Variants in TCF3 observed in about 807,000 individuals in gnomAD.
TCF3 encodes transcription factor 3, also known as transcription factor E2-alpha.
TCF3 carries 54 observed loss-of-function variants against 72.3 expected under a neutral mutation model. The ratio of observed to expected loss-of-function variants is 0.75; its 90% CI spans 0.60 to 0.94. TCF3 has a LOEUF of 0.94. Among genes scored for constraint, TCF3 ranks in the 40% least tolerant of loss-of-function variants. The pLI is 0.00. For missense variants in TCF3, 1,078 were observed against 934.4 expected (o/e 1.15, Z -2.00); for synonymous variants, 525 against 412.6 (o/e 1.27, Z -3.30).
chr19:1,650,329 G>A (rs1282101254), intron 1 of TCF3, 42 bp from the exon 2 acceptor site: 18 of 1,415,154 alleles, frequency 1.3e-5, no homozygotes, highest in Non-Finnish European at 1.6e-5. Flanking sequence ...GGAGAAACAG[G>A]GAGGGGAGAA....
At chr19:1,620,594 C>G (rs2062070680) in intron 13 of TCF3, among the ~76,000 whole-genome samples, 1 of 152,220 alleles carries the variant, frequency 6.6e-6, no homozygotes, top group Non-Finnish European at 1.5e-5. Context: ...GTGTGAACTG[C>G]CAGGTCCTGC....
At chr19:1,639,820 A>C (rs1160975064) in intron 3 of TCF3, among the ~76,000 whole-genome samples, 1 of 151,826 alleles carries the variant, frequency 6.6e-6, no homozygotes, top group Non-Finnish European at 1.5e-5. Flanking sequence ...TATGGAAACC[A>C]ATGGGATGGG....
intron 3 of TCF3, among the ~76,000 whole-genome samples, chr19:1,635,194 G>A (rs1238831311): frequency 6.6e-6 from 1 of 152,188 alleles, no homozygotes; most frequent in Non-Finnish European, 1.5e-5. Flanking sequence ...TATAGCCCCA[G>A]CTCTGCAATG....
intron 2 of TCF3, among the ~76,000 whole-genome samples, chr19:1,648,120 G>A (rs760699839): frequency 2.0e-5 from 3 of 152,188 alleles, no homozygotes; most frequent in South Asian, 2.1e-4. Context: ...GGACAAAGGC[G>A]CGCTGGGAAC....
intron 16 of TCF3, among the ~76,000 whole-genome samples, chr19:1,617,454 C>T (rs1314323659): frequency 6.6e-6 from 1 of 152,258 alleles, no homozygotes; most frequent in Non-Finnish European, 1.5e-5. Context: ...TAAGGGTACA[C>T]AGTGCCCCAA....
At chr19:1,622,486 G>A (rs984802480) in intron 8 of TCF3, 71 bp from the exon 9 acceptor site, 14 of 847,944 alleles carry the variant, frequency 1.7e-5, no homozygotes, top group Non-Finnish European at 2.1e-5. Context: ...CACCTTGCCG[G>A]CCTCCTGTCC....
intron 3 of TCF3, among the ~76,000 whole-genome samples, chr19:1,641,890 G>A (rs1370637445): frequency 6.6e-6 from 1 of 151,924 alleles, no homozygotes; most frequent in Non-Finnish European, 1.5e-5. Flanking sequence ...CGCTGACCCA[G>A]CCCTCTACAA....
Position 1,619,103 on chromosome 19 carries a change from G to C in TCF3, c.1450+8C>G, listed in dbSNP as rs377016069. On this transcript the variant is annotated splice_region_variant and intron_variant, in intron 16 of 18. Transcript: ENST00000262965. ...AGGAGTCGGACAGTCCCAAGCTCAAGGGCTTACCACTGTAGGAGTCGGGAG... is the reference window on the plus strand; with the variant it reads ...AGGAGTCGGACAGTCCCAAGCTCAACGGCTTACCACTGTAGGAGTCGGGAG... 1.8e-5 allele frequency: 28 copies of C among 1,599,290 alleles called. No homozygotes were observed. The highest frequency in any genetic ancestry group is 2.4e-5 in the Non-Finnish European group (28 of 1,179,698).
Position 1,615,587 on chromosome 19 carries a change from G to A in TCF3, c.1587-67C>T, listed in dbSNP as rs748305811. On this transcript the variant is annotated intron_variant, in intron 17 of 18. Coordinates refer to ENST00000262965, the MANE Select transcript of TCF3 (RefSeq NM_003200.5). The surrounding 1 kb of genome is among the most constrained non-coding windows in gnomAD (Gnocchi z 7.3). ...AGGTTGGGGGAAGAGCGTGGGGCCC[G>A]CCGACGGCCTCCCAGTGTGGGTGCG... 31 of 1,605,612 alleles carry A rather than the reference G, an allele frequency of 1.9e-5. 1 individual carries two copies. The highest frequency in any genetic ancestry group is 1.4e-4 in the South Asian group (13 of 91,070).
intron 6 of TCF3, 147 bp downstream of exon 6, chr19:1,627,212 C>G: frequency 8.8e-6 from 4 of 454,634 alleles, no homozygotes; most frequent in Non-Finnish European, 1.6e-5. Flanking sequence ...ACCCACCCAG[C>G]CCACCCTGGC....
intron 5 of TCF3, 98 bp from the exon 6 acceptor site, chr19:1,627,524 GT>G: frequency 1.8e-6 from 2 of 1,095,714 alleles, no homozygotes; most frequent in Non-Finnish European, 2.7e-6. Context: ...CTCTCAGTAA[GT>G]GCACACGACT....
chr19:1,644,189 C>T (rs1246739125), intron 3 of TCF3, among the ~76,000 whole-genome samples: 4 of 152,312 alleles, frequency 2.6e-5, no homozygotes, highest in Admixed American at 6.5e-5. Flanking sequence ...TCGCACCCAT[C>T]GACTCGCTGA....
At position 1,621,193 on chromosome 19, in the gene TCF3, T is replaced by C; in HGVS notation, c.956-2A>G. 1 of 1,535,544 alleles carries C rather than the reference T, an allele frequency of 6.5e-7. No individual in the cohort carries two copies. The highest frequency in any genetic ancestry group is 8.7e-7 in the Non-Finnish European group (1 of 1,145,978). ...TGCCAGCTGTGGTCCCTCGGGAGCCTGTGGGTGAAGAGAGGTGAGGCCCAC... is the reference window on the plus strand; with the variant it reads ...TGCCAGCTGTGGTCCCTCGGGAGCCCGTGGGTGAAGAGAGGTGAGGCCCAC... On this transcript the variant is annotated splice_acceptor_variant, in intron 11 of 18. Coordinates refer to ENST00000262965, the MANE Select transcript of TCF3 (RefSeq NM_003200.5). LOFTEE classifies it high-confidence loss of function.
Position 1,610,337 on chromosome 19 carries a change from T to G in TCF3, c.*1370A>C. ...GCAGGTGTGGCCCCAGGCCCAGGGA[T>G]GCTCCCCAGCATTGGGGGAGGCTGG... On this transcript the variant is annotated 3_prime_UTR_variant, in exon 19 of 19. Transcript: ENST00000262965. The G allele has an allele frequency of 8.7e-6, 2 of 230,468 alleles. No homozygotes were observed. Among genetic ancestry groups the G allele is most frequent in the Non-Finnish European group, 8.6e-6 (1 of 116,470 alleles). 14.3% of individuals were successfully genotyped at this position (230,468 alleles called of 1,614,324 possible).
chr19:1,622,352 T>C lies in TCF3; in HGVS notation c.613A>G (p.Thr205Ala). 6.5e-7 allele frequency: 1 copy of C among 1,533,092 alleles called. No individual in the cohort carries two copies. The highest frequency in any genetic ancestry group is 8.8e-7 in the Non-Finnish European group (1 of 1,140,596). 95.0% of individuals were successfully genotyped at this position (1,533,092 alleles called of 1,614,324 possible). A position where few individuals can be genotyped will look rare whatever the true frequency, so the allele number is the denominator to read the frequency against. The change falls in exon 9 of 19, where the codon ACC becomes GCC. Residue 205 changes from threonine to alanine, a missense_variant. By Grantham distance (58) the Thr-to-Ala change is moderately conservative (BLOSUM62 0). Transcript: ENST00000262965. The part of the protein sequence containing the change: ...RDATAYPSAK[T>A]PSSTYPAPFY... ...GGGGCGGGATAGGTGCTGCTGGGGG[T>C]CTTGGCGGACGGGTAGGCGGTGGCA...
At chr19:1,625,073 T>C (rs1845787834) in intron 7 of TCF3, among the ~76,000 whole-genome samples, 1 of 152,234 alleles carries the variant, frequency 6.6e-6, no homozygotes, top group Admixed American at 6.5e-5. Context: ...TTTGCAACTT[T>C]TGGCCTCAAG....
chr19:1,650,491 G>C (rs951830936), intron 1 of TCF3: 2 of 519,782 alleles, frequency 3.8e-6, no homozygotes, highest in East Asian at 3.1e-5. Context: ...GGTCCCTGCA[G>C]AGTCCTCCCC....
rs2061503022 is a variant in TCF3, at chr19:1,615,876, A to C, written c.1451-55T>G. ...GTCGGCCTCCAGGGCCAACTGACAT[A>C]TCTCTTTGTGCTCCTGTGGTGAGGG... is the stretch of plus-strand genomic sequence containing the variant. On this transcript the variant is annotated intron_variant, in intron 16 of 18. Coordinates refer to ENST00000262965, the MANE Select transcript of TCF3 (RefSeq NM_003200.5). This position sits in a 1 kb window ranked among gnomAD's most constrained non-coding sequence, Gnocchi z 7.3. The C allele has an allele frequency of 2.0e-6, 3 of 1,493,388 alleles. 1 individual carries two copies. In the African/African-American group the frequency reaches 4.2e-5, roughly 21 times the overall value. 92.5% of individuals were successfully genotyped at this position (1,493,388 alleles called of 1,614,324 possible).
intron 8 of TCF3, among the ~76,000 whole-genome samples, chr19:1,622,732 G>C (rs551875768): frequency 6.6e-6 from 1 of 151,878 alleles, no homozygotes; most frequent in African/African-American, 2.4e-5. Flanking sequence ...AACTCCTATC[G>C]ACCCATCAAA....
Sources: gnomAD v4.1 joint callset for allele counts (sites outside exome capture counted in the v4.1 genomes callset) on GRCh38, gnomAD v4.1.1 for gene constraint, Gnocchi (gnomAD v3.1) non-coding constraint, MANE v1.5 for transcripts, NCBI Gene and HGNC (gene_info 2026-07-23, HGNC 2026-07-21) for gene names.